Variants in CBFA2T2 observed in about 807,000 individuals in gnomAD.
CBFA2T2 encodes the protein CBFA2/RUNX1 partner transcriptional co-repressor 2, also known as protein CBFA2T2.
CBFA2T2 carries 11 observed loss-of-function variants against 62.2 expected under a neutral mutation model. The ratio of observed to expected loss-of-function variants is 0.18; its 90% confidence interval spans 0.11 to 0.29. The LOEUF (loss-of-function observed/expected upper bound fraction) is 0.29. Among genes scored for constraint, CBFA2T2 ranks in the 10% least tolerant of loss-of-function variants. The probability of loss-of-function intolerance (pLI) is 1.00; values close to 1 mark genes in which losing one functional copy is unlikely to be tolerated. For synonymous variants in CBFA2T2, 295 were observed against 287.5 expected (o/e 1.03, Z -0.27); for missense variants, 592 against 774.1 (o/e 0.76, Z 2.79).
intron 1 of CBFA2T2, among the ~76,000 whole-genome samples, chr20:33,512,205 G>A (rs1435038592): frequency 6.6e-6 from 1 of 151,668 alleles, no homozygotes; most frequent in Admixed American, 6.6e-5. Flanking sequence ...CGGGCATGGC[G>A]GTGTGCAGGC....
At chr20:33,618,572 T>C (rs1204441694) in intron 3 of CBFA2T2, 1 of 152,226 alleles carries the variant, frequency 6.6e-6, no homozygotes, top group Non-Finnish European at 1.5e-5. Context: ...GTTATTCTGG[T>C]ATGCATAATG....
At chr20:33,570,096 T>C (rs554054160) in intron 1 of CBFA2T2, among the ~76,000 whole-genome samples, 42 of 152,252 alleles carry the variant, frequency 2.8e-4, no homozygotes, top group African/African-American at 9.1e-4. Context: ...CTATCCAAAA[T>C]GGTGAAGCCC....
At chr20:33,591,932 A>G (rs2014664827) in intron 1 of CBFA2T2, among the ~76,000 whole-genome samples, 1 of 151,998 alleles carries the variant, frequency 6.6e-6, no homozygotes, top group Non-Finnish European at 1.5e-5. Flanking sequence ...ACGCTCCAGA[A>G]TCTCTAGATA....
intron 1 of CBFA2T2, among the ~76,000 whole-genome samples, chr20:33,602,439 A>T (rs951406441): frequency 1.7e-5 from 2 of 115,970 alleles, no homozygotes; most frequent in Non-Finnish European, 3.1e-5. Flanking sequence ...TCTCTGATTA[A>T]AAAAAAAAAA....
chr20:33,517,982 T>G (rs1044755046), intron 1 of CBFA2T2, among the ~76,000 whole-genome samples: 1 of 151,840 alleles, frequency 6.6e-6, no homozygotes, highest in African/African-American at 2.4e-5. Context: ...AGAGTCTCTC[T>G]CTGTCACCCA....
chr20:33,643,274 T>G (rs1445856569), intron 10 of CBFA2T2, among the ~76,000 whole-genome samples: 1 of 152,148 alleles, frequency 6.6e-6, no homozygotes, highest in Non-Finnish European at 1.5e-5. Flanking sequence ...TCCTATCCTA[T>G]TGGTCTGATA....
intron 1 of CBFA2T2, among the ~76,000 whole-genome samples, chr20:33,546,087 G>A (rs2012559335): frequency 6.6e-6 from 1 of 152,206 alleles, no homozygotes; most frequent in Non-Finnish European, 1.5e-5. Flanking sequence ...TAATAATGCT[G>A]AATTATCTGC....
intron 1 of CBFA2T2, among the ~76,000 whole-genome samples, chr20:33,528,919 G>A (rs1235224546): frequency 6.6e-6 from 1 of 152,220 alleles, no homozygotes; most frequent in East Asian, 1.9e-4. Flanking sequence ...CCAGTACCAA[G>A]TTTTGGGCTC....
At chr20:33,529,785 CTTT>C (rs202192301) in intron 1 of CBFA2T2, among the ~76,000 whole-genome samples, 1 of 76,486 alleles carries the variant, frequency 1.3e-5, no homozygotes, top group Non-Finnish European at 2.7e-5. Flanking sequence ...ATATATATTT[CTTT>C]TTTTTTTTTT....
intron 1 of CBFA2T2, among the ~76,000 whole-genome samples, chr20:33,596,636 A>G (rs1236829857): frequency 6.6e-6 from 1 of 152,184 alleles, no homozygotes; most frequent in Non-Finnish European, 1.5e-5. Flanking sequence ...CACTTCCAGT[A>G]AGATACCTGT....
At chr20:33,521,028 A>G (rs2042852013) in intron 1 of CBFA2T2, among the ~76,000 whole-genome samples, 1 of 150,414 alleles carries the variant, frequency 6.6e-6, no homozygotes, top group Non-Finnish European at 1.5e-5. Context: ...TAGATAGTTT[A>G]CCAATATTGA....
chr20:33,633,071 T>C (rs2016510060), intron 8 of CBFA2T2, among the ~76,000 whole-genome samples: 1 of 151,874 alleles, frequency 6.6e-6, no homozygotes, highest in African/African-American at 2.4e-5. Context: ...GTAATTAGTG[T>C]TTTTAAAGTC....
intron 1 of CBFA2T2, among the ~76,000 whole-genome samples, chr20:33,575,128 C>T (rs539969109): frequency 6.6e-6 from 1 of 152,280 alleles, no homozygotes; most frequent in South Asian, 2.1e-4. Context: ...TGGTTGTTTG[C>T]GCAGACTGAC....
intron 3 of CBFA2T2, among the ~76,000 whole-genome samples, chr20:33,614,564 C>A (rs953972344): frequency 6.6e-6 from 1 of 152,086 alleles, no homozygotes; most frequent in African/African-American, 2.4e-5. Flanking sequence ...ATACCCCATT[C>A]CCCCCTCTCC....
intron 1 of CBFA2T2, among the ~76,000 whole-genome samples, chr20:33,507,523 C>A (rs1051872293): frequency 4.6e-5 from 7 of 152,132 alleles, no homozygotes; most frequent in African/African-American, 1.7e-4. Flanking sequence ...TTGAAACGAA[C>A]AAAGAATACT....
At chr20:33,491,888 TA>T (rs902602594) in intron 1 of CBFA2T2, among the ~76,000 whole-genome samples, 22 of 151,898 alleles carry the variant, frequency 1.4e-4, no homozygotes, top group Non-Finnish European at 2.8e-4. Flanking sequence ...TTTATTTTAT[TA>T]TTTTTTTTGA....
At chr20:33,546,649 T>C (rs1164083088) in intron 1 of CBFA2T2, among the ~76,000 whole-genome samples, 1 of 151,788 alleles carries the variant, frequency 6.6e-6, no homozygotes, top group African/African-American at 2.4e-5. Context: ...CAATTTTTAT[T>C]TTTTGTAGAG....
At chr20:33,568,553 C>T (rs1029059620) in intron 1 of CBFA2T2, among the ~76,000 whole-genome samples, 4 of 152,124 alleles carry the variant, frequency 2.6e-5, no homozygotes, top group Non-Finnish European at 5.9e-5. Flanking sequence ...CCTCTGCTGC[C>T]GGCGGGCGCG....
rs79872522 is a variant in CBFA2T2 at position 33,550,041 on chromosome 20, C to T, written c.35-56915C>T. Among the ~76,000 whole-genome samples the T allele has an allele frequency of 7.2e-3, 1,091 of 152,112 alleles. 17 individuals carry two copies. The highest frequency in any genetic ancestry group is 0.025 in the African/African-American group (1,056 of 41,488). ...AAATACCTGTCTTATAGAATTTGGA[C>T]AGTTTTTTCCACATAAAGCCTTCCA... On this transcript the variant is annotated intron_variant, in intron 1 of 10. Transcript: ENST00000342704.
Sources: allele counts gnomAD v4.1 joint callset (sites outside exome capture counted in the v4.1 genomes callset), GRCh38; gene constraint gnomAD v4.1.1; transcripts MANE v1.5; gene names NCBI Gene and HGNC (gene_info 2026-07-23, HGNC 2026-07-21).